FERMT2: variants seen among roughly 807,000 people sequenced by gnomAD.
FERMT2 encodes fermitin family homolog 2.
In FERMT2, 15 loss-of-function variants were observed where a neutral mutation model predicts 82.7. The observed-to-expected ratio is 0.18, with a 90% CI of 0.12 to 0.28. The LOEUF (loss-of-function observed/expected upper bound fraction) is 0.28, where lower values mean the gene tolerates loss of function less well. Among genes scored for constraint, FERMT2 ranks in the 10% least tolerant of loss-of-function variants. The probability of loss-of-function intolerance (pLI) is 1.00; values close to 1 mark genes in which losing one functional copy is unlikely to be tolerated. For missense variants in FERMT2, 645 were observed against 809.4 expected, an observed-to-expected ratio of 0.80 and a Z score of 2.46; for synonymous variants, 274 against 271.5, an observed-to-expected ratio of 1.01 and a Z score of -0.09.
chr14:52,930,774 T>C (rs1237619147), intron 2 of FERMT2, among the ~76,000 whole-genome samples: 1 of 152,248 alleles, frequency 6.6e-6, no homozygotes, highest in Non-Finnish European at 1.5e-5. Context: ...CTGATGTTTC[T>C]ACTGAGACTC....
intron 12 of FERMT2, chr14:52,861,208 T>G: frequency 3.6e-6 from 2 of 560,458 alleles, no homozygotes; most frequent in Non-Finnish European, 6.3e-6. Flanking sequence ...AATGCAAGAA[T>G]GAAAAATGAA....
Position 52,858,158 on chromosome 14 carries a change from C to A in FERMT2, c.*219G>T. The A allele has an allele frequency of 2.0e-6, 1 of 491,172 alleles. No homozygotes were observed. The highest frequency in any genetic ancestry group is 3.0e-5 in the South Asian group (1 of 33,126). The allele number at this position is 491,172 out of a possible 1,614,324, so 30.4% of individuals were successfully genotyped here. A position where few individuals can be genotyped will look rare whatever the true frequency, so the allele number is the denominator to read the frequency against. On this transcript the variant is annotated 3_prime_UTR_variant, in exon 15 of 15. Coordinates refer to ENST00000341590, the MANE Select transcript of FERMT2 (RefSeq NM_006832.3). ...ACTATTTCAGTTTTCAATTCATGGC[C>A]CTAAGGAATGTGTGACAAATTCAAG...
chr14:52,949,697 A>G (rs1465270760), intron 2 of FERMT2, among the ~76,000 whole-genome samples: 1 of 152,248 alleles, frequency 6.6e-6, no homozygotes. Context: ...ATATCAATCC[A>G]ATACATATTT....
At chr14:52,932,156 T>C (rs1351487511) in intron 2 of FERMT2, among the ~76,000 whole-genome samples, 1 of 152,244 alleles carries the variant, frequency 6.6e-6, no homozygotes, top group African/African-American at 2.4e-5. Context: ...TTCATAAAGT[T>C]AGCATATGTA....
chr14:52,866,574 G>A (rs957420303), intron 10 of FERMT2, among the ~76,000 whole-genome samples: 3 of 152,152 alleles, frequency 2.0e-5, no homozygotes, highest in Non-Finnish European at 4.4e-5. Flanking sequence ...GCTTAGCACT[G>A]CAAGATGGGA....
chr14:52,868,710 TGTA>T (rs1267995200), intron 10 of FERMT2, among the ~76,000 whole-genome samples: 2 of 152,104 alleles, frequency 1.3e-5, no homozygotes, highest in African/African-American at 4.8e-5. Flanking sequence ...CTAAACCAGG[TGTA>T]GTGGTGTGCA....
At chr14:52,917,265 G>A (rs1321212025) in intron 3 of FERMT2, among the ~76,000 whole-genome samples, 2 of 150,882 alleles carry the variant, frequency 1.3e-5, no homozygotes, top group African/African-American at 2.4e-5. Flanking sequence ...TATACACACA[G>A]AGATACGTGT....
intron 3 of FERMT2, among the ~76,000 whole-genome samples, chr14:52,918,530 T>C (rs1178301183): frequency 1.3e-5 from 2 of 152,202 alleles, no homozygotes; most frequent in Non-Finnish European, 2.9e-5. Flanking sequence ...ATTTCTCAAA[T>C]AGGAAAAAAT....
intron 2 of FERMT2, among the ~76,000 whole-genome samples, chr14:52,938,629 C>T (rs568241274): frequency 2.6e-5 from 4 of 152,088 alleles, no homozygotes; most frequent in Non-Finnish European, 5.9e-5. Context: ...TACAGTGGTG[C>T]GATCTCGGCT....
chr14:52,921,745 G>C (rs1888967645), intron 2 of FERMT2, among the ~76,000 whole-genome samples: 1 of 151,298 alleles, frequency 6.6e-6, no homozygotes, highest in South Asian at 2.1e-4. Flanking sequence ...CAGAAAACAG[G>C]GGAAAAAAAA....
chr14:52,949,417 C>T (rs1890511110), intron 2 of FERMT2, among the ~76,000 whole-genome samples: 1 of 147,366 alleles, frequency 6.8e-6, no homozygotes, highest in Admixed American at 6.8e-5. Flanking sequence ...AAAAAACCCC[C>T]AGAAAGTCCC....
rs1884636956 is a variant in FERMT2 at position 52,857,397 on chromosome 14, AT to A, written c.*979del. The A allele has an allele frequency of 6.6e-6, 1 of 152,610 alleles. No homozygotes were observed. The highest frequency in any genetic ancestry group is 6.5e-5 in the Admixed American group (1 of 15,280). 9.5% of individuals were successfully genotyped at this position (152,610 alleles called of 1,614,324 possible). A position where few individuals can be genotyped will look rare whatever the true frequency, so the allele number is the denominator to read the frequency against. ...CCCTTTTGGGCTATGTGAGCTAGGA[AT>A]TTTCTGACTAGCACCAATACAGATT... is the stretch of plus-strand genomic sequence containing the variant. On this transcript the variant is annotated 3_prime_UTR_variant, in exon 15 of 15. Transcript: ENST00000341590.
At chr14:52,919,078 A>G (rs144772871) in intron 3 of FERMT2, 45 bp downstream of exon 3, 1 of 1,337,698 alleles carries the variant, frequency 7.5e-7, no homozygotes, top group African/African-American at 1.4e-5. Flanking sequence ...GGTCATCTGT[A>G]CATCACATAA....
chr14:52,926,206 G>A, intron 2 of FERMT2, among the ~76,000 whole-genome samples: 1 of 151,874 alleles, frequency 6.6e-6, no homozygotes, highest in Non-Finnish European at 1.5e-5. Flanking sequence ...CTAAAGTAGT[G>A]GTTTAGTTTT....
At chr14:52,860,501 A>C (rs371119593) in intron 12 of FERMT2, 36 bp from the exon 13 acceptor site, 29 of 1,580,324 alleles carry the variant, frequency 1.8e-5, no homozygotes, top group Non-Finnish European at 2.3e-5. Context: ...ACCATTGAAC[A>C]TTATTCTCTC....
At chr14:52,911,883 T>C (rs906513626) in intron 3 of FERMT2, among the ~76,000 whole-genome samples, 6 of 152,220 alleles carry the variant, frequency 3.9e-5, no homozygotes, top group Admixed American at 2.6e-4. Context: ...TTTACTTTTG[T>C]AGCCAAACCT....
intron 2 of FERMT2, among the ~76,000 whole-genome samples, chr14:52,944,546 AT>A (rs1175032428): frequency 2.6e-5 from 4 of 152,154 alleles, no homozygotes; most frequent in Non-Finnish European, 5.9e-5. Flanking sequence ...TGTTTAAAGT[AT>A]TTTTTTGTGT....
chr14:52,919,046 G>A (rs1252881308), intron 3 of FERMT2, 77 bp downstream of exon 3: 3 of 987,030 alleles, frequency 3.0e-6, no homozygotes, highest in East Asian at 4.9e-5. Flanking sequence ...CCCATCCCTT[G>A]GGATAAGCTA....
intron 9 of FERMT2, 63 bp from the exon 10 acceptor site, chr14:52,872,986 G>A (rs1885721679): frequency 1.3e-6 from 2 of 1,498,928 alleles, no homozygotes; most frequent in African/African-American, 2.8e-5. Context: ...CGCTGTATTA[G>A]CAAAGTTTCA....
Sources: allele counts gnomAD v4.1 joint callset (sites outside exome capture counted in the v4.1 genomes callset), GRCh38; gene constraint gnomAD v4.1.1; transcripts MANE v1.5; gene names NCBI Gene and HGNC (gene_info 2026-07-23, HGNC 2026-07-21).